The following SNX25 variants were observed in gnomAD, a reference collection of about 807,000 sequenced individuals.
The protein encoded by SNX25 is sorting nexin-25.
SNX25 carries 62 observed loss-of-function variants against 113.7 expected under a neutral mutation model. That is an observed-to-expected ratio of 0.55 (90% CI 0.44 to 0.67). The LOEUF (loss-of-function observed/expected upper bound fraction) is 0.67, where lower values mean the gene tolerates loss of function less well. Ranked by LOEUF, SNX25 falls within the 30% of genes least tolerant of loss-of-function variation. SNX25 has a pLI of 0.00. For missense variants in SNX25, 1,014 were observed against 1,161.0 expected (o/e 0.87, Z 1.84); for synonymous variants, 421 against 436.2 (o/e 0.97, Z 0.43).
chr4:185,304,714 C>A (rs1284986739), intron 6 of SNX25, among the ~76,000 whole-genome samples: 1 of 152,106 alleles, frequency 6.6e-6, no homozygotes, highest in Non-Finnish European at 1.5e-5. Flanking sequence ...GTTTTAAACT[C>A]CTGGCCTCAA....
At chr4:185,275,745 C>T (rs1534145) in intron 5 of SNX25, among the ~76,000 whole-genome samples, 64,207 of 151,968 alleles carry the variant, frequency 0.42, 13,726 homozygotes, top group East Asian at 0.56. Context: ...AAGTGTACCT[C>T]CATACAAACT....
chr4:185,332,556 A>G (rs3822301), intron 9 of SNX25, 39 bp from the exon 10 acceptor site: 18 of 1,514,682 alleles, frequency 1.2e-5, no homozygotes, highest in South Asian at 8.2e-5. Context: ...TGAATTTTCT[A>G]TCATTATAAG....
chr4:185,361,369 A>C (rs1396767053), intron 16 of SNX25, among the ~76,000 whole-genome samples: 1 of 152,242 alleles, frequency 6.6e-6, no homozygotes, highest in African/African-American at 2.4e-5. Flanking sequence ...TAGATTGAAC[A>C]CAGCCAACAT....
intron 18 of SNX25, 45 bp downstream of exon 18, chr4:185,362,756 T>C: frequency 6.6e-7 from 1 of 1,522,012 alleles, no homozygotes; most frequent in Non-Finnish European, 9.1e-7. Flanking sequence ...TATTTTTGTC[T>C]GTTTCTTCGT....
chr4:185,204,314 CTT>C (rs956189375), exon 1 of SNX25: 2 of 152,212 alleles, frequency 1.3e-5, no homozygotes, highest in African/African-American at 2.4e-5. Flanking sequence ...CCTTGATTAT[CTT>C]GTAATTCTCT....
At chr4:185,261,821 TAAAG>T (rs1747376924) in intron 3 of SNX25, among the ~76,000 whole-genome samples, 1 of 151,812 alleles carries the variant, frequency 6.6e-6, no homozygotes, top group South Asian at 2.1e-4. Flanking sequence ...AAGAACAAAA[TAAAG>T]AAAAAAAATC....
At chr4:185,314,269 G>A (rs1294631970) in intron 7 of SNX25, among the ~76,000 whole-genome samples, 2 of 141,716 alleles carry the variant, frequency 1.4e-5, no homozygotes, top group African/African-American at 2.7e-5. Context: ...CAGGAGGATC[G>A]CTTGAGGCCA....
At chr4:185,266,295 A>G (rs1168644903) in intron 4 of SNX25, among the ~76,000 whole-genome samples, 2 of 152,168 alleles carry the variant, frequency 1.3e-5, no homozygotes, top group Non-Finnish European at 2.9e-5. Context: ...AAGCTTGTCA[A>G]AACGTATTGA....
intron 2 of SNX25, among the ~76,000 whole-genome samples, chr4:185,255,360 C>T (rs1560939283): frequency 6.6e-6 from 1 of 152,170 alleles, no homozygotes; most frequent in Non-Finnish European, 1.5e-5. Flanking sequence ...TCTGGAACTC[C>T]TGACCTCAGG....
At chr4:185,257,029 T>A (rs1373019328) in intron 2 of SNX25, among the ~76,000 whole-genome samples, 1 of 152,110 alleles carries the variant, frequency 6.6e-6, no homozygotes, top group Non-Finnish European at 1.5e-5. Context: ...AGGTTAGTTG[T>A]TCGTAGGGAA....
intron 6 of SNX25, among the ~76,000 whole-genome samples, chr4:185,292,428 C>T (rs531724147): frequency 5.3e-5 from 8 of 152,214 alleles, no homozygotes; most frequent in East Asian, 3.9e-4. Context: ...GACAGAGTTT[C>T]GCTCTTGTCA....
At chr4:185,376,563 G>A in the SNX25 span, among the ~76,000 whole-genome samples, 1 of 151,482 alleles carries the variant, frequency 6.6e-6, no homozygotes, top group East Asian at 1.9e-4. Flanking sequence ...CGAAGTACTG[G>A]GATTACAGGC....
chr4:185,206,547 T>C (rs1391567320), upstream of SNX25, among the ~76,000 whole-genome samples: 1 of 150,412 alleles, frequency 6.6e-6, no homozygotes, highest in Non-Finnish European at 1.5e-5. Flanking sequence ...TAATCCCAGC[T>C]ACTCGGGAGG....
chr4:185,335,342 A>ACACG (rs2126712299), intron 10 of SNX25, among the ~76,000 whole-genome samples: 1 of 151,972 alleles, frequency 6.6e-6, no homozygotes, highest in Non-Finnish European at 1.5e-5. Flanking sequence ...ACACACACAC[A>ACACG]CACACACACA....
chr4:185,228,341 G>T (rs1741322231), intron 1 of SNX25, among the ~76,000 whole-genome samples: 1 of 152,014 alleles, frequency 6.6e-6, no homozygotes, highest in Non-Finnish European at 1.5e-5. Flanking sequence ...TGCCTGGGGG[G>T]CAGGATCAGA....
At chr4:185,241,761 G>C (rs547063489) in intron 1 of SNX25, among the ~76,000 whole-genome samples, 1 of 152,254 alleles carries the variant, frequency 6.6e-6, no homozygotes, top group African/African-American at 2.4e-5. Context: ...AGTGGGCAAA[G>C]TACACGTATT....
chr4:185,241,154 C>G (rs1162766809), intron 1 of SNX25, among the ~76,000 whole-genome samples: 9 of 151,872 alleles, frequency 5.9e-5, no homozygotes, highest in East Asian at 5.9e-4. Flanking sequence ...TGTAGCGAGC[C>G]GAGATCACGC....
rs191078074 is a variant in SNX25, at chr4:185,214,447, T to G, written c.429+4192T>G. Among the ~76,000 whole-genome samples, 45 of 149,140 alleles carry G rather than the reference T, an allele frequency of 3.0e-4. No homozygotes were observed. The East Asian group carries it at 8.3e-3, about 27-fold the overall frequency. ...TATTAGCTGGGAGTGGTGGTGCACA[T>G]CTGCAGTCCCAGCTACTTGGGAGGC... is the stretch of plus-strand genomic sequence containing the variant. On this transcript the variant is annotated intron_variant, in intron 1 of 18. Coordinates refer to ENST00000652585, the MANE Select transcript of SNX25 (RefSeq NM_001378034.2).
chr4:185,251,636 T>TGC (rs1553990989), intron 2 of SNX25, among the ~76,000 whole-genome samples: 239 of 134,726 alleles, frequency 1.8e-3, no homozygotes, highest in African/African-American at 2.7e-3. Context: ...TGTGTGTGTG[T>TGC]GCCACATTTT....
Sources: allele counts gnomAD v4.1 joint callset (sites outside exome capture counted in the v4.1 genomes callset), GRCh38; gene constraint gnomAD v4.1.1; transcripts MANE v1.5; gene names NCBI Gene and HGNC (gene_info 2026-07-23, HGNC 2026-07-21).